Variants in BLTP2 observed in about 807,000 individuals in gnomAD.
BLTP2 encodes bridge-like lipid transfer protein family member 2.
At chr17:28,621,308 C>T in the BLTP2 span, 2 of 1,416,304 alleles carry the variant, frequency 1.4e-6, no homozygotes, top group African/African-American at 1.4e-5. Flanking sequence ...CTCCAGCATA[C>T]ACTGACGTTA....
the BLTP2 span, chr17:28,620,004 CTCACTATGT>C: frequency 6.2e-7 from 1 of 1,613,166 alleles, no homozygotes; most frequent in Admixed American, 1.7e-5. Context: ...GTTGCTTCTT[CTCACTATGT>C]TCCTAAAGGA....
chr17:28,617,419 C>A, the BLTP2 span: 4 of 759,182 alleles, frequency 5.3e-6, no homozygotes, highest in East Asian at 1.0e-4. Context: ...TCTACATATG[C>A]CTAATCCCAA....
chr17:28,628,510 T>C, the BLTP2 span: 1 of 1,614,180 alleles, frequency 6.2e-7, no homozygotes, highest in East Asian at 2.2e-5. Flanking sequence ...ATCTACTAAG[T>C]GCAGCTGATG....
the BLTP2 span, chr17:28,639,767 TTTCTC>T: frequency 1.4e-6 from 2 of 1,422,068 alleles, no homozygotes; most frequent in East Asian, 4.5e-5. Flanking sequence ...CTGGGGCTAT[TTTCTC>T]TCAGTATGTT....
chr17:28,619,990 A>AC, the BLTP2 span: 1 of 1,613,686 alleles, frequency 6.2e-7, no homozygotes, highest in South Asian at 1.1e-5. Flanking sequence ...CTGGAACCTG[A>AC]CCCGTTGCTT....
chr17:28,631,532 G>C, the BLTP2 span: 1 of 1,614,192 alleles, frequency 6.2e-7, no homozygotes, highest in Middle Eastern at 1.6e-4. Context: ...GACAAGCTCA[G>C]CAGGTGGGTC....
At chr17:28,616,487 C>T in the BLTP2 span, 1 of 1,614,198 alleles carries the variant, frequency 6.2e-7, no homozygotes, top group Non-Finnish European at 8.5e-7. This position sits in a 1 kb window ranked among gnomAD's most constrained non-coding sequence, Gnocchi z 4.8. Context: ...CAATCAGCTG[C>T]CGAGGCTTCA....
the BLTP2 span, chr17:28,638,275 C>G: frequency 3.1e-6 from 5 of 1,612,764 alleles, no homozygotes; most frequent in East Asian, 2.2e-5. Context: ...GAGTCCAGAA[C>G]AAGTGCCTCA....
the BLTP2 span, chr17:28,635,516 G>T: frequency 6.2e-7 from 1 of 1,614,184 alleles, no homozygotes. Flanking sequence ...GCTCTTAGTA[G>T]GTCTCGGCAC....
chr17:28,628,610 C>G, the BLTP2 span: 1 of 1,488,368 alleles, frequency 6.7e-7, no homozygotes, highest in Non-Finnish European at 9.3e-7. Context: ...GCCCCCAGTG[C>G]CACAGAGGCA....
At chr17:28,633,326 C>T in the BLTP2 span, 4 of 1,614,006 alleles carry the variant, frequency 2.5e-6, no homozygotes, top group East Asian at 8.9e-5. Context: ...CCCTTGAACA[C>T]AAACTGACCA....
chr17:28,620,884 C>T, the BLTP2 span: 1 of 1,111,442 alleles, frequency 9.0e-7, no homozygotes, highest in Admixed American at 2.0e-5. Flanking sequence ...AATGCCAGTG[C>T]ACAGTGGATT....
chr17:28,635,319 ACT>A, the BLTP2 span: 17 of 1,613,930 alleles, frequency 1.1e-5, no homozygotes, highest in Non-Finnish European at 1.4e-5. Context: ...TCAGTGACAC[ACT>A]CTCTGCAGCC....
chr17:28,643,394 T>A, the BLTP2 span: 1 of 1,554,752 alleles, frequency 6.4e-7, no homozygotes, highest in Non-Finnish European at 8.8e-7. Flanking sequence ...CACTTTCTCA[T>A]CCTTCCTAGA....
At chr17:28,623,603 A>G in the BLTP2 span, among the ~76,000 whole-genome samples, 1 of 151,730 alleles carries the variant, frequency 6.6e-6, no homozygotes, top group Non-Finnish European at 1.5e-5. Context: ...AAAGCACTAC[A>G]TGCTTCCAGA....
At chr17:28,617,215 G>A in the BLTP2 span, 1 of 1,604,544 alleles carries the variant, frequency 6.2e-7, no homozygotes, top group Middle Eastern at 1.7e-4. Flanking sequence ...GACTAGGAAA[G>A]GGGAAAAAAG....
the BLTP2 span, chr17:28,634,780 G>T: frequency 6.2e-7 from 1 of 1,614,008 alleles, no homozygotes; most frequent in Admixed American, 1.7e-5. Flanking sequence ...TTCCAAAGAG[G>T]CATAGAGCTC....
At chr17:28,628,594 G>C in the BLTP2 span, 8 of 1,582,864 alleles carry the variant, frequency 5.1e-6, no homozygotes, top group Non-Finnish European at 6.9e-6. Context: ...GGGTAGCATG[G>C]AAATTGCCCC....
the BLTP2 span, among the ~76,000 whole-genome samples, chr17:28,621,864 T>C: frequency 6.6e-6 from 1 of 152,236 alleles, no homozygotes; most frequent in African/African-American, 2.4e-5. Context: ...GCTTTTTCTA[T>C]CTTCAGATAG....
Sources: allele counts gnomAD v4.1 joint callset (sites outside exome capture counted in the v4.1 genomes callset), GRCh38; gene constraint gnomAD v4.1.1; non-coding constraint Gnocchi (gnomAD v3.1); transcripts MANE v1.5; gene names NCBI Gene and HGNC (gene_info 2026-07-23, HGNC 2026-07-21).